SEMA3A: variants seen among roughly 807,000 people sequenced by gnomAD.
SEMA3A encodes semaphorin-3A.
Under a neutral mutation model 97.9 loss-of-function variants are expected in SEMA3A, and 29 were observed. That is an observed-to-expected ratio of 0.30 (90% CI 0.22 to 0.40). SEMA3A has a LOEUF of 0.40. SEMA3A is among the 10% of genes least tolerant of loss of function. The probability of loss-of-function intolerance (pLI) is 1.00; values close to 1 mark genes in which losing one functional copy is unlikely to be tolerated. For synonymous variants in SEMA3A, 321 were observed against 323.7 expected (o/e 0.99, Z 0.09); for missense variants, 763 against 951.3 (o/e 0.80, Z 2.60).
intron 4 of SEMA3A, among the ~76,000 whole-genome samples, chr7:84,101,015 T>C (rs1224294353): frequency 6.6e-6 from 1 of 152,186 alleles, no homozygotes; most frequent in Non-Finnish European, 1.5e-5. Flanking sequence ...TGTAGGAGAA[T>C]CATGGTGCAA....
At chr7:84,047,346 G>A (rs956509490) in intron 5 of SEMA3A, among the ~76,000 whole-genome samples, 4 of 152,036 alleles carry the variant, frequency 2.6e-5, no homozygotes, top group African/African-American at 9.7e-5. Context: ...GCACTGGCTT[G>A]ACACTTTCAA....
chr7:84,281,389 T>C (rs1293263721), intron 3 of SEMA3A, among the ~76,000 whole-genome samples: 3 of 152,140 alleles, frequency 2.0e-5, no homozygotes, highest in Non-Finnish European at 2.9e-5. Context: ...ACATGAGCCA[T>C]GGTAGATTCA....
intron 1 of SEMA3A, among the ~76,000 whole-genome samples, chr7:84,394,025 T>C (rs1803659257): frequency 6.6e-6 from 1 of 152,066 alleles, no homozygotes; most frequent in Non-Finnish European, 1.5e-5. Flanking sequence ...TGAGAAGAAA[T>C]AAGCACAAGA....
chr7:84,309,060 C>T (rs542769025), intron 2 of SEMA3A, among the ~76,000 whole-genome samples: 14 of 151,964 alleles, frequency 9.2e-5, no homozygotes, highest in Non-Finnish European at 1.3e-4. Flanking sequence ...TCAGGTGATC[C>T]GCCTGCCTCG....
At chr7:84,061,807 C>T (rs1490040804) in intron 4 of SEMA3A, among the ~76,000 whole-genome samples, 1 of 152,140 alleles carries the variant, frequency 6.6e-6, no homozygotes, top group Non-Finnish European at 1.5e-5. Context: ...ATTACCAATT[C>T]TAATCTTCTT....
chr7:84,065,679 A>T (rs909516991), intron 4 of SEMA3A, among the ~76,000 whole-genome samples: 40 of 152,136 alleles, frequency 2.6e-4, no homozygotes, highest in Non-Finnish European at 3.4e-4. Flanking sequence ...GAAGCAATGG[A>T]TAAATTCCTC....
chr7:84,402,456 A>G (rs1311872780), intron 1 of SEMA3A, among the ~76,000 whole-genome samples: 3 of 152,152 alleles, frequency 2.0e-5, no homozygotes, highest in Non-Finnish European at 2.9e-5. Flanking sequence ...AAAAACTATA[A>G]TTAGAACTAC....
intron 3 of SEMA3A, among the ~76,000 whole-genome samples, chr7:84,204,965 T>G (rs1798452652): frequency 6.6e-6 from 1 of 152,192 alleles, no homozygotes; most frequent in African/African-American, 2.4e-5. Context: ...ACAGAAAGAA[T>G]CGTATCTTTT....
chr7:84,124,844 A>G (rs955182401), intron 3 of SEMA3A, among the ~76,000 whole-genome samples: 4 of 152,032 alleles, frequency 2.6e-5, no homozygotes, highest in Admixed American at 6.6e-5. Flanking sequence ...AGTGCACAAA[A>G]TATGTAAACT....
chr7:84,469,848 A>T (rs1185440960), intron 1 of SEMA3A, among the ~76,000 whole-genome samples: 1 of 152,018 alleles, frequency 6.6e-6, no homozygotes, highest in Non-Finnish European at 1.5e-5. Flanking sequence ...TCTTACATAT[A>T]ATAAGACTAA....
chr7:84,050,449 C>G (rs2115611836), intron 5 of SEMA3A, among the ~76,000 whole-genome samples: 1 of 152,164 alleles, frequency 6.6e-6, no homozygotes, highest in South Asian at 2.1e-4. Flanking sequence ...TTGCATTTCT[C>G]TGATGGCCAG....
intron 4 of SEMA3A, among the ~76,000 whole-genome samples, chr7:84,063,243 G>C (rs1037061061): frequency 1.3e-5 from 2 of 150,682 alleles, no homozygotes; most frequent in Non-Finnish European, 3.0e-5. Context: ...AAACAGAAAG[G>C]ACATCCACAC....
Position 84,279,356 on chromosome 7 carries a change from T to G in SEMA3A, c.-83+27851A>C, listed in dbSNP as rs1800382102. On this transcript the variant is annotated intron_variant, in intron 3 of 3. Coordinates refer to the SEMA3A transcript ENST00000424555. Reference sequence around the variant, plus strand: ...GAAGGACATAGCATCACTCTTGTACTTTCCTACCCAAAATGCATAAAGTAG... The same window carrying G: ...GAAGGACATAGCATCACTCTTGTACGTTCCTACCCAAAATGCATAAAGTAG... Among the ~76,000 whole-genome samples the G allele has an allele frequency of 2.0e-5, 3 of 152,154 alleles. No individual in the cohort carries two copies. The South Asian group carries it at 6.2e-4, about 31-fold the overall frequency.
intron 3 of SEMA3A, among the ~76,000 whole-genome samples, chr7:84,252,264 A>C (rs1799626372): frequency 6.6e-6 from 1 of 152,202 alleles, no homozygotes; most frequent in Admixed American, 6.5e-5. Flanking sequence ...GTATTGCTGA[A>C]GTGTAGCATC....
chr7:84,393,736 T>C lies in SEMA3A; in HGVS notation c.-245-21836A>G, dbSNP rs573329932. Among the ~76,000 whole-genome samples, 24 of 152,258 alleles carry C rather than the reference T, an allele frequency of 1.6e-4. No individual in the cohort carries two copies. The South Asian group carries it at 5.0e-3, about 32-fold the overall frequency. On this transcript the variant is annotated intron_variant, in intron 1 of 3. Transcript: ENST00000424555. ...AGATAATCTTAGAAAGGGTGCCATA[T>C]TTGATAAACAGATGAGCCCTTGGGG... is the stretch of plus-strand genomic sequence containing the variant.
chr7:84,040,326 C>A (rs772545694), intron 6 of SEMA3A, among the ~76,000 whole-genome samples: 2 of 151,756 alleles, frequency 1.3e-5, no homozygotes, highest in Non-Finnish European at 2.9e-5. Context: ...AATTCCCCAG[C>A]CCCTGCTGTT....
intron 1 of SEMA3A, among the ~76,000 whole-genome samples, chr7:84,150,687 T>C (rs1796621350): frequency 6.6e-6 from 1 of 152,052 alleles, no homozygotes; most frequent in South Asian, 2.1e-4. Flanking sequence ...TTGCCCAGGC[T>C]TGATTAGGTA....
chr7:84,081,117 C>A (rs559527901), intron 4 of SEMA3A, among the ~76,000 whole-genome samples: 45 of 151,990 alleles, frequency 3.0e-4, no homozygotes, highest in African/African-American at 8.4e-4. Context: ...GAGATCATTG[C>A]ATATATATGT....
At chr7:84,462,678 A>G (rs1805877132) in intron 1 of SEMA3A, among the ~76,000 whole-genome samples, 1 of 152,310 alleles carries the variant, frequency 6.6e-6, no homozygotes, top group African/African-American at 2.4e-5. Flanking sequence ...AGTAGGCATC[A>G]TGTGTGAATG....
Sources: allele counts gnomAD v4.1 joint callset (sites outside exome capture counted in the v4.1 genomes callset), GRCh38; gene constraint gnomAD v4.1.1; transcripts MANE v1.5; gene names NCBI Gene and HGNC (gene_info 2026-07-23, HGNC 2026-07-21).